Variants in HPD observed in about 807,000 individuals in gnomAD.
The protein encoded by HPD is 4-hydroxyphenylpyruvate dioxygenase, also known as 4-hydroxyphenylpyruvic acid oxidase.
In HPD, 35 loss-of-function variants were observed where a neutral mutation model predicts 56.9. The ratio of observed to expected loss-of-function variants is 0.62; its 90% confidence interval spans 0.47 to 0.82. The LOEUF is 0.82. Ranked by LOEUF, HPD falls within the 40% of genes least tolerant of loss-of-function variation. The probability of loss-of-function intolerance (pLI) is 0.00; values close to 1 mark genes in which losing one functional copy is unlikely to be tolerated. For synonymous variants in HPD, 186 were observed against 200.2 expected (o/e 0.93, Z 0.60); for missense variants, 442 against 506.8 (o/e 0.87, Z 1.23).
chr12:121,858,914 T>G, upstream of HPD: 1 of 1,494,536 alleles, frequency 6.7e-7, no homozygotes, highest in Non-Finnish European at 9.3e-7. Context: ...CGCCCAGGCC[T>G]CCTGGCCTAC....
chr12:121,844,381 C>A (rs2137612105), intron 11 of HPD, among the ~76,000 whole-genome samples: 1 of 152,130 alleles, frequency 6.6e-6, no homozygotes, highest in South Asian at 2.1e-4. Flanking sequence ...TATGTCCATG[C>A]AGCAATCTTT....
At chr12:121,878,283 G>A in the HPD span, among the ~76,000 whole-genome samples, 1 of 152,198 alleles carries the variant, frequency 6.6e-6, no homozygotes, top group South Asian at 2.1e-4. Context: ...AAGTGCATAA[G>A]TGTATAGCTC....
chr12:121,848,191 G>T (rs1295174211), intron 9 of HPD, among the ~76,000 whole-genome samples: 1 of 152,094 alleles, frequency 6.6e-6, no homozygotes, highest in East Asian at 1.9e-4. Context: ...GGGTCGCTTT[G>T]GGCCTCAAGT....
At chr12:121,854,840 A>G (rs1877937665) in intron 6 of HPD, 48 bp from the exon 7 acceptor site, 7 of 1,440,890 alleles carry the variant, frequency 4.9e-6, no homozygotes, top group Non-Finnish European at 6.8e-6. Context: ...GGAGCCTTCC[A>G]GAACCCTTGC....
intron 7 of HPD, among the ~76,000 whole-genome samples, chr12:121,850,926 C>T (rs535236571): frequency 2.4e-4 from 35 of 147,406 alleles, no homozygotes; most frequent in Non-Finnish European, 4.0e-4. Context: ...TGCAATGGTG[C>T]GATCTTGGCT....
At chr12:121,887,218 AT>A in the HPD span, among the ~76,000 whole-genome samples, 146 of 142,952 alleles carry the variant, frequency 1.0e-3, no homozygotes, top group South Asian at 3.8e-3. Context: ...ATTAATTATT[AT>A]TTTTTTTTTT....
chr12:121,887,200 C>T, the HPD span, among the ~76,000 whole-genome samples: 5 of 151,236 alleles, frequency 3.3e-5, no homozygotes, highest in Admixed American at 1.3e-4. Flanking sequence ...ACACCTGGTC[C>T]TCTGCTAATT....
At chr12:121,856,539 T>G (rs199919612) in intron 5 of HPD, 44 bp downstream of exon 5, 1 of 1,607,484 alleles carries the variant, frequency 6.2e-7, no homozygotes, top group Admixed American at 1.7e-5. Flanking sequence ...AGAACCCAGA[T>G]CCCACCCACA....
At chr12:121,853,485 G>A (rs557936644) in intron 7 of HPD, among the ~76,000 whole-genome samples, 7 of 151,718 alleles carry the variant, frequency 4.6e-5, no homozygotes, top group Non-Finnish European at 8.8e-5. Context: ...AGCCGGGCGT[G>A]GTGGCGGGCG....
chr12:121,881,515 C>G, the HPD span, among the ~76,000 whole-genome samples: 52 of 152,272 alleles, frequency 3.4e-4, 1 homozygote, highest in African/African-American at 1.0e-3. Context: ...GTGACTACAA[C>G]TCTCTCTAGG....
chr12:121,844,992 G>A (rs1877529923), intron 11 of HPD, among the ~76,000 whole-genome samples: 1 of 151,432 alleles, frequency 6.6e-6, no homozygotes, highest in Admixed American at 6.6e-5. Context: ...GCTGAGGCAG[G>A]AGAATCGCTT....
At chr12:121,883,189 T>C in the HPD span, among the ~76,000 whole-genome samples, 1 of 23,644 alleles carries the variant, frequency 4.2e-5, no homozygotes, top group Non-Finnish European at 9.2e-5. Context: ...GTTGTGTGTG[T>C]GTGTGTGTGT....
At chr12:121,850,977 C>T (rs1013063018) in intron 7 of HPD, among the ~76,000 whole-genome samples, 4 of 151,892 alleles carry the variant, frequency 2.6e-5, no homozygotes, top group African/African-American at 9.7e-5. Context: ...GATTCTCCTG[C>T]CTCAGCCTCC....
At chr12:121,852,419 C>T (rs558976064) in intron 7 of HPD, among the ~76,000 whole-genome samples, 1 of 152,192 alleles carries the variant, frequency 6.6e-6, no homozygotes, top group South Asian at 2.1e-4. Flanking sequence ...ATCCTCCTGC[C>T]TCAGCCTCCC....
In HPD at chr12:121,847,100, C is replaced by A; in HGVS notation, c.711G>T (p.Lys237Asn). Reference sequence around the variant, plus strand: ...CAGGCGCTGGCTCATTGATGGGCATCTTGATGGACTCTTCATAGTTGGCCA... The same window carrying A: ...CAGGCGCTGGCTCATTGATGGGCATATTGATGGACTCTTCATAGTTGGCCA... ...IVVANYEESIKMPINEPAPGK... is the reference protein window; with the variant it reads ...IVVANYEESINMPINEPAPGK... The change falls in exon 10 of 14, where the codon AAG (lysine) becomes AAT (asparagine). Residue 237 changes from lysine (K) to asparagine (N), a missense_variant. Coordinates refer to ENST00000289004, the MANE Select transcript of HPD (RefSeq NM_002150.3). The A allele has an allele frequency of 6.2e-7, 1 of 1,614,174 alleles. No homozygotes were observed. Among genetic ancestry groups the A allele is most frequent in the Non-Finnish European group, 8.5e-7 (1 of 1,180,042 alleles).
At chr12:121,840,080 A>T (rs1208061436) in intron 12 of HPD, 32 bp from the exon 13 acceptor site, 1 of 1,424,122 alleles carries the variant, frequency 7.0e-7, no homozygotes. Flanking sequence ...CTGCTAGGGG[A>T]GGCTGGCACG....
intron 6 of HPD, 84 bp from the exon 7 acceptor site, chr12:121,854,876 G>T: frequency 9.5e-7 from 1 of 1,057,372 alleles, no homozygotes; most frequent in Non-Finnish European, 1.5e-6. Flanking sequence ...GGTGGCCTCT[G>T]CGTGGTCCTG....
chr12:121,876,894 G>T, the HPD span, among the ~76,000 whole-genome samples: 1 of 151,910 alleles, frequency 6.6e-6, no homozygotes, highest in South Asian at 2.1e-4. Flanking sequence ...AGGAGTTCGA[G>T]ACCAGCCTGG....
chr12:121,840,597 G>A (rs1877375647), intron 12 of HPD, among the ~76,000 whole-genome samples: 1 of 152,090 alleles, frequency 6.6e-6, no homozygotes, highest in African/African-American at 2.4e-5. Context: ...ACCATGACCT[G>A]CTGCGGGATC....
Sources: gnomAD v4.1 joint callset for allele counts (sites outside exome capture counted in the v4.1 genomes callset) on GRCh38, gnomAD v4.1.1 for gene constraint, MANE v1.5 for transcripts, NCBI Gene and HGNC (gene_info 2026-07-23, HGNC 2026-07-21) for gene names.